The following GRIN2A variants were observed in gnomAD, a reference collection of about 807,000 sequenced individuals.
GRIN2A encodes the protein glutamate ionotropic receptor NMDA type subunit 2A, also known as glutamate receptor ionotropic, NMDA 2A.
A neutral mutation model predicts 113.4 loss-of-function variants in GRIN2A; 22 were observed. That is an observed-to-expected ratio of 0.19 (90% CI 0.14 to 0.28). GRIN2A has a LOEUF of 0.28. Among genes scored for constraint, GRIN2A ranks in the 10% least tolerant of loss-of-function variants. The pLI, the probability that GRIN2A is intolerant of heterozygous loss-of-function variation, is 1.00. For synonymous variants in GRIN2A, 827 were observed against 738.4 expected (o/e 1.12, Z -1.94); for missense variants, 1,502 against 1,887.0 (o/e 0.80, Z 3.78).
At chr16:10,046,738 A>G (rs183790015) in intron 2 of GRIN2A, among the ~76,000 whole-genome samples, 2 of 152,302 alleles carry the variant, frequency 1.3e-5, no homozygotes, top group Admixed American at 1.3e-4. Context: ...TAATGGTCAA[A>G]TGAGATAGTG....
chr16:10,046,645 T>TAC (rs369417939), intron 2 of GRIN2A, among the ~76,000 whole-genome samples: 23 of 151,614 alleles, frequency 1.5e-4, no homozygotes, highest in South Asian at 6.2e-4. Flanking sequence ...GAGCAGCAGC[T>TAC]ACACACACAC....
chr16:10,098,350 T>A (rs1567296952), intron 2 of GRIN2A, among the ~76,000 whole-genome samples: 1 of 152,240 alleles, frequency 6.6e-6, no homozygotes, highest in Non-Finnish European at 1.5e-5. Flanking sequence ...TCCGCACTGC[T>A]GGTGGGAATG....
intron 3 of GRIN2A, among the ~76,000 whole-genome samples, chr16:9,905,965 G>GC (rs1383417857): frequency 6.6e-6 from 1 of 152,070 alleles, no homozygotes; most frequent in African/African-American, 2.4e-5. Context: ...GTCTAGTAAA[G>GC]CCCCAAACAA....
At chr16:10,061,803 C>A (rs1483937033) in intron 2 of GRIN2A, among the ~76,000 whole-genome samples, 1 of 152,112 alleles carries the variant, frequency 6.6e-6, no homozygotes, top group Non-Finnish European at 1.5e-5. Flanking sequence ...ACATATCAAT[C>A]AAAAGTGAAG....
chr16:10,004,848 T>C (rs1400920952), intron 2 of GRIN2A, among the ~76,000 whole-genome samples: 2 of 152,270 alleles, frequency 1.3e-5, no homozygotes, highest in South Asian at 2.1e-4. Flanking sequence ...TCATGTAAGG[T>C]AACATACTCA....
chr16:10,118,932 C>A (rs1440074565), intron 2 of GRIN2A, among the ~76,000 whole-genome samples: 5 of 152,072 alleles, frequency 3.3e-5, no homozygotes, highest in Non-Finnish European at 7.4e-5. Context: ...AAGAAAGGGG[C>A]GTGTTTTCTC....
intron 2 of GRIN2A, among the ~76,000 whole-genome samples, chr16:10,043,064 G>C (rs979357962): frequency 4.6e-5 from 7 of 152,174 alleles, no homozygotes; most frequent in Admixed American, 3.9e-4. Flanking sequence ...ATAATTACTT[G>C]CAGCTAAACA....
chr16:9,849,284 G>T (rs959503602), intron 5 of GRIN2A, among the ~76,000 whole-genome samples: 24 of 146,892 alleles, frequency 1.6e-4, no homozygotes, highest in Middle Eastern at 4.0e-3. Context: ...ATACAAAAAT[G>T]TTTTCTATAT....
chr16:9,949,314 C>T (rs906684329), intron 2 of GRIN2A, among the ~76,000 whole-genome samples: 18 of 151,900 alleles, frequency 1.2e-4, no homozygotes, highest in Non-Finnish European at 2.4e-4. Flanking sequence ...GATGGACAGA[C>T]GAATGCATGG....
intron 2 of GRIN2A, among the ~76,000 whole-genome samples, chr16:10,020,590 G>C (rs1298083364): frequency 6.6e-6 from 1 of 152,146 alleles, no homozygotes; most frequent in Admixed American, 6.5e-5. Flanking sequence ...AAACTAAGGA[G>C]AACATGAACT....
chr16:9,934,862 T>C (rs1434894337), intron 3 of GRIN2A, among the ~76,000 whole-genome samples: 1 of 151,732 alleles, frequency 6.6e-6, no homozygotes, highest in Non-Finnish European at 1.5e-5. Flanking sequence ...TTGTGCCTTA[T>C]CCAAACTTAC....
rs188088029 is a variant in GRIN2A, at chr16:9,891,470, C to T, written c.1008-370G>A. On this transcript the variant is annotated intron_variant, in intron 3 of 12. Transcript: ENST00000330684. ...ATTCAATGTTGAAAAAATGACATTC[C>T]ATTATTCATTATTTATTCAACTAAT... Among the ~76,000 whole-genome samples the T allele has an allele frequency of 1.5e-3, 222 of 152,274 alleles. 1 individual carries two copies. The highest frequency in any genetic ancestry group is 2.5e-3 in the Non-Finnish European group (169 of 68,038).
At chr16:10,008,954 T>A (rs1229644744) in intron 2 of GRIN2A, among the ~76,000 whole-genome samples, 2 of 152,208 alleles carry the variant, frequency 1.3e-5, no homozygotes, top group East Asian at 3.8e-4. Context: ...ACATTGGAGA[T>A]TTAGCAGTAA....
At chr16:10,100,600 G>A (rs1168111615) in intron 2 of GRIN2A, among the ~76,000 whole-genome samples, 1 of 152,188 alleles carries the variant, frequency 6.6e-6, no homozygotes, top group Non-Finnish European at 1.5e-5. Context: ...TTGTTATAGT[G>A]ATGATCTTTG....
chr16:9,792,540 C>T (rs993016051), intron 11 of GRIN2A, among the ~76,000 whole-genome samples: 8 of 152,122 alleles, frequency 5.3e-5, no homozygotes, highest in African/African-American at 1.9e-4. Flanking sequence ...AATATCAATG[C>T]GAGAGATATG....
intron 2 of GRIN2A, among the ~76,000 whole-genome samples, chr16:10,044,803 T>G (rs1262140805): frequency 6.6e-6 from 1 of 151,986 alleles, no homozygotes; most frequent in Non-Finnish European, 1.5e-5. Context: ...TTTTAGACTG[T>G]AAGTTACCAA....
intron 3 of GRIN2A, among the ~76,000 whole-genome samples, chr16:9,918,876 T>C (rs1438682867): frequency 6.6e-6 from 1 of 151,170 alleles, no homozygotes; most frequent in Non-Finnish European, 1.5e-5. Flanking sequence ...CGTTTAGTGG[T>C]TAATGTCTGA....
At chr16:9,986,280 G>T (rs932504117) in intron 2 of GRIN2A, among the ~76,000 whole-genome samples, 1 of 152,106 alleles carries the variant, frequency 6.6e-6, no homozygotes, top group African/African-American at 2.4e-5. Flanking sequence ...AAATTATGAC[G>T]TTAGGTGAAT....
At chr16:10,147,133 C>G (rs138201010) in intron 2 of GRIN2A, among the ~76,000 whole-genome samples, 42 of 152,100 alleles carry the variant, frequency 2.8e-4, no homozygotes, top group African/African-American at 8.9e-4. Context: ...TATGGCACCC[C>G]CTGTGTATGC....
Sources: gnomAD v4.1 joint callset for allele counts (sites outside exome capture counted in the v4.1 genomes callset) on GRCh38, gnomAD v4.1.1 for gene constraint, MANE v1.5 for transcripts, NCBI Gene and HGNC (gene_info 2026-07-23, HGNC 2026-07-21) for gene names.